The following SAMMSON variants were observed in gnomAD, a reference collection of about 807,000 sequenced individuals.
The protein encoded by SAMMSON is survival associated mitochondrial melanoma specific oncogenic non-coding RNA, also known as long intergenic non-protein coding RNA 1212.
At chr3:70,027,737 A>G (rs2067046697) in intron 3 of SAMMSON, among the ~76,000 whole-genome samples, 2 of 152,212 alleles carry the variant, frequency 1.3e-5, no homozygotes, top group Non-Finnish European at 2.9e-5. Context: ...GCCATACATC[A>G]TCAGAGTAAG....
intron 4 of SAMMSON, chr3:70,125,396 G>C (rs2067452670): frequency 7.1e-7 from 1 of 1,399,184 alleles, no homozygotes; most frequent in Non-Finnish European, 9.8e-7. Context: ...TCTGAAAACT[G>C]AAAGTGTTTC....
chr3:70,148,023 A>T (rs1407750554), intron 4 of SAMMSON, among the ~76,000 whole-genome samples: 1 of 152,120 alleles, frequency 6.6e-6, no homozygotes, highest in Non-Finnish European at 1.5e-5. Context: ...AGATGAGCAC[A>T]TGAAAAGATG....
chr3:70,025,394 G>A (rs1049388100), intron 3 of SAMMSON, among the ~76,000 whole-genome samples: 6 of 152,054 alleles, frequency 3.9e-5, no homozygotes, highest in South Asian at 2.1e-4. Context: ...ACAAGTTCCC[G>A]CCACCACACC....
In SAMMSON at chr3:70,268,691, T is replaced by G. The variant is rs189560183; in HGVS notation, n.674+19021T>G. 2.1e-3 allele frequency among the ~76,000 whole-genome samples: 317 copies of G among 152,340 alleles called. 2 individuals are homozygous for G. The highest frequency in any genetic ancestry group is 7.3e-3 in the African/African-American group (304 of 41,588). On this transcript the variant is annotated intron_variant and non_coding_transcript_variant, in intron 6 of 9. Coordinates refer to ENST00000642114, the Ensembl canonical transcript of SAMMSON. ...TTCTCTCTTCTTTTGTTTTTGCAGC[T>G]GATTTTTAAGAGCTTCTTTTTAAAA...
At chr3:70,013,149 GTGA>G (rs370433914) in intron 2 of SAMMSON, among the ~76,000 whole-genome samples, 14 of 151,994 alleles carry the variant, frequency 9.2e-5, no homozygotes, top group East Asian at 1.9e-4. Context: ...TATAGTAAAT[GTGA>G]TGATGATGAT....
At chr3:70,279,116 T>C (rs969112754) in intron 6 of SAMMSON, among the ~76,000 whole-genome samples, 1 of 150,826 alleles carries the variant, frequency 6.6e-6, no homozygotes, top group Non-Finnish European at 1.5e-5. Flanking sequence ...AGATAGATTA[T>C]TTCCTCTGTT....
At chr3:70,076,864 G>A (rs35527992) in intron 4 of SAMMSON, among the ~76,000 whole-genome samples, 8,471 of 152,144 alleles carry the variant, frequency 0.056, 350 homozygotes, top group South Asian at 0.14. Context: ...GTAATTTCTC[G>A]TTAGACACAG....
At chr3:70,302,938 C>A (rs189266247) in intron 7 of SAMMSON, among the ~76,000 whole-genome samples, 1 of 152,238 alleles carries the variant, frequency 6.6e-6, no homozygotes, top group East Asian at 1.9e-4. Context: ...TAGGATGTGA[C>A]ACTGGAATTT....
At chr3:70,231,710 C>T (rs915941433) in intron 4 of SAMMSON, among the ~76,000 whole-genome samples, 1 of 152,012 alleles carries the variant, frequency 6.6e-6, no homozygotes, top group African/African-American at 2.4e-5. Context: ...CAGAGATACA[C>T]GGAGAGAAGA....
At chr3:70,363,819 TG>T (rs1275383215) in intron 9 of SAMMSON, among the ~76,000 whole-genome samples, 2 of 146,340 alleles carry the variant, frequency 1.4e-5, no homozygotes, top group Admixed American at 1.4e-4. Context: ...TGTGTGTGTG[TG>T]TGTGTGTGCA....
In SAMMSON at chr3:70,137,272, T is replaced by A. The variant is rs548163740; in HGVS notation, n.507+65707T>A. ...AAAGTATGTATAGTACAGATAGGTC[T>A]AATTTATTTTAAAAAAACTCCTCGA... On this transcript the variant is annotated intron_variant and non_coding_transcript_variant, in intron 4 of 9. Coordinates refer to ENST00000642114, the Ensembl canonical transcript of SAMMSON. 3.3e-5 allele frequency among the ~76,000 whole-genome samples: 5 copies of A among 152,312 alleles called. No individual in the cohort carries two copies. The South Asian group carries it at 1.0e-3, about 32-fold the overall frequency.
At chr3:70,043,245 A>G (rs944981537) in intron 3 of SAMMSON, among the ~76,000 whole-genome samples, 1 of 152,064 alleles carries the variant, frequency 6.6e-6, no homozygotes, top group Non-Finnish European at 1.5e-5. Flanking sequence ...TTGAGAAGGA[A>G]CCACCCCAAA....
chr3:70,280,145 C>T (rs1371180138), intron 6 of SAMMSON, among the ~76,000 whole-genome samples: 1 of 152,106 alleles, frequency 6.6e-6, no homozygotes, highest in African/African-American at 2.4e-5. Flanking sequence ...CCTGCATTTC[C>T]TGACCTGTGA....
chr3:70,104,603 G>A (rs888970278), intron 4 of SAMMSON, among the ~76,000 whole-genome samples: 2 of 152,114 alleles, frequency 1.3e-5, no homozygotes, highest in South Asian at 2.1e-4. Context: ...ACCCCAAACC[G>A]TGTCGGACCT....
chr3:70,218,930 A>G (rs1026969798), intron 4 of SAMMSON, among the ~76,000 whole-genome samples: 2 of 152,260 alleles, frequency 1.3e-5, no homozygotes. Context: ...CCACAAAGTT[A>G]GTTTAAAATT....
intron 4 of SAMMSON, among the ~76,000 whole-genome samples, chr3:70,223,256 G>A (rs549764560): frequency 2.0e-4 from 31 of 152,220 alleles, no homozygotes; most frequent in African/African-American, 6.3e-4. Flanking sequence ...TCGAAACTCA[G>A]AGAGATGAAG....
At chr3:70,082,091 T>G (rs1289930858) in intron 4 of SAMMSON, among the ~76,000 whole-genome samples, 5 of 152,190 alleles carry the variant, frequency 3.3e-5, no homozygotes, top group African/African-American at 4.8e-5. Flanking sequence ...AATCAGTTGA[T>G]GTTGAAGATA....
chr3:70,286,830 G>T (rs1046885581), intron 6 of SAMMSON, among the ~76,000 whole-genome samples: 23 of 152,166 alleles, frequency 1.5e-4, no homozygotes, highest in Admixed American at 9.2e-4. Flanking sequence ...AATTGCGAAT[G>T]AGAGTTCTCA....
chr3:70,112,267 A>G (rs576501156), intron 4 of SAMMSON, among the ~76,000 whole-genome samples: 62 of 152,156 alleles, frequency 4.1e-4, no homozygotes, highest in African/African-American at 1.4e-3. Context: ...GTGTCAGAAG[A>G]CAATGGAATA....
Sources: allele counts gnomAD v4.1 joint callset (sites outside exome capture counted in the v4.1 genomes callset), GRCh38; gene constraint gnomAD v4.1.1; transcripts MANE v1.5; gene names NCBI Gene and HGNC (gene_info 2026-07-23, HGNC 2026-07-21).